The following CDH22 variants were observed in gnomAD, a reference collection of about 807,000 sequenced individuals.
CDH22 encodes cadherin 22, also known as cadherin-22.
Under a neutral mutation model 58.4 loss-of-function variants are expected in CDH22, and 30 were observed. The ratio of observed to expected loss-of-function variants is 0.51; its 90% confidence interval spans 0.38 to 0.70. The LOEUF (loss-of-function observed/expected upper bound fraction) is 0.70, where lower values mean the gene tolerates loss of function less well. Ranked by LOEUF, CDH22 falls within the 30% of genes least tolerant of loss-of-function variation. The pLI is 0.00. For synonymous variants in CDH22, 513 were observed against 558.2 expected (o/e 0.92, Z 1.14); for missense variants, 1,014 against 1,233.9 (o/e 0.82, Z 2.67).
At chr20:46,185,006 A>G (rs2085814312) in intron 10 of CDH22, among the ~76,000 whole-genome samples, 1 of 152,076 alleles carries the variant, frequency 6.6e-6, no homozygotes, top group African/African-American at 2.4e-5. Context: ...GAATCTCTTG[A>G]CCCTGGGAGG....
intron 3 of CDH22, among the ~76,000 whole-genome samples, chr20:46,235,715 C>T (rs1342936815): frequency 6.6e-6 from 1 of 152,192 alleles, no homozygotes; most frequent in African/African-American, 2.4e-5. Context: ...TTGGCTCTAC[C>T]TTCAATGCAC....
intron 4 of CDH22, 84 bp downstream of exon 4, chr20:46,227,424 A>G (rs932395751): frequency 3.4e-5 from 44 of 1,299,298 alleles, no homozygotes; most frequent in Non-Finnish European, 4.4e-5. Context: ...GAAGGCTCAG[A>G]GCAGACGTCT....
chr20:46,284,231 TG>T (rs2145770570), intron 1 of CDH22, among the ~76,000 whole-genome samples: 1 of 151,768 alleles, frequency 6.6e-6, no homozygotes, highest in African/African-American at 2.4e-5. Context: ...CCAGAGTCCC[TG>T]GGCAGGACAA....
At chr20:46,224,043 G>A (rs1352353863) in intron 4 of CDH22, among the ~76,000 whole-genome samples, 6 of 151,996 alleles carry the variant, frequency 3.9e-5, no homozygotes, top group African/African-American at 1.5e-4. Context: ...AGTAGAGATC[G>A]GGTTTCACCA....
chr20:46,254,337 T>A (rs1176846486), intron 1 of CDH22, among the ~76,000 whole-genome samples: 1 of 151,978 alleles, frequency 6.6e-6, no homozygotes, highest in Non-Finnish European at 1.5e-5. Context: ...GGTGGATCAC[T>A]TTAGGTCAGG....
In CDH22 at chr20:46,217,249, G is replaced by T. The variant is rs116770322; in HGVS notation, c.671-256C>A. On this transcript the variant is annotated intron_variant, in intron 4 of 11. Transcript: ENST00000537909. ...ATACTCACACATGCTCACACACACG[G>T]TCACACAGATAGACTCACATACTTG... 4.0e-5 allele frequency among the ~76,000 whole-genome samples: 6 copies of T among 151,864 alleles called. No homozygotes were observed. The East Asian group carries it at 9.7e-4, about 24-fold the overall frequency.
At chr20:46,281,359 G>A (rs964616651) in intron 1 of CDH22, among the ~76,000 whole-genome samples, 4 of 152,228 alleles carry the variant, frequency 2.6e-5, no homozygotes, top group Non-Finnish European at 5.9e-5. Flanking sequence ...GGGAAGAGTA[G>A]AGTGGCTGGA....
At chr20:46,296,014 C>T (rs948903058) in intron 1 of CDH22, among the ~76,000 whole-genome samples, 19 of 152,304 alleles carry the variant, frequency 1.2e-4, no homozygotes, top group Admixed American at 3.9e-4. Flanking sequence ...CCTCCTGCCT[C>T]GGCCTCTCAA....
chr20:46,261,893 G>A (rs938535083), intron 1 of CDH22, among the ~76,000 whole-genome samples: 3 of 152,094 alleles, frequency 2.0e-5, no homozygotes, highest in African/African-American at 7.3e-5. Context: ...TAGGTATAAG[G>A]CACGATGGAG....
rs190676266 is a variant in CDH22 at position 46,187,858 on chromosome 20, C to A, written c.1424-911G>T. ...CCTGTGGTTTGGTACAATTTCTATC[C>A]CCATATTGCAAAGGAGAAACTAAAA... is the stretch of plus-strand genomic sequence containing the variant. On this transcript the variant is annotated intron_variant, in intron 8 of 11. Coordinates refer to ENST00000537909, the MANE Select transcript of CDH22 (RefSeq NM_021248.3). Among the ~76,000 whole-genome samples the A allele has an allele frequency of 6.8e-4, 103 of 152,206 alleles. 1 individual carries two copies. Among genetic ancestry groups the A allele is most frequent in the African/African-American group, 2.3e-3 (97 of 41,506 alleles).
intron 8 of CDH22, among the ~76,000 whole-genome samples, chr20:46,192,932 G>A (rs1354294710): frequency 6.6e-6 from 1 of 152,054 alleles, no homozygotes; most frequent in Non-Finnish European, 1.5e-5. Flanking sequence ...CCCAGTGGGA[G>A]CAGGAGGCTC....
At chr20:46,227,384 C>T in intron 4 of CDH22, 124 bp downstream of exon 4, 1 of 928,390 alleles carries the variant, frequency 1.1e-6, no homozygotes. Context: ...ACAAGGTGCC[C>T]CCTGTGCTGT....
At chr20:46,277,956 G>A (rs1408464449) in intron 1 of CDH22, among the ~76,000 whole-genome samples, 7 of 151,984 alleles carry the variant, frequency 4.6e-5, no homozygotes, top group Non-Finnish European at 1.0e-4. Context: ...GGTGTGCTCA[G>A]TGCTAATGAG....
chr20:46,247,144 A>G (rs2086335979), intron 2 of CDH22, among the ~76,000 whole-genome samples: 1 of 152,160 alleles, frequency 6.6e-6, no homozygotes, highest in Non-Finnish European at 1.5e-5. Context: ...TACACTCAAG[A>G]TGGTGGAACT....
intron 4 of CDH22, among the ~76,000 whole-genome samples, chr20:46,225,261 T>C (rs1317894989): frequency 6.6e-6 from 1 of 152,234 alleles, no homozygotes; most frequent in Non-Finnish European, 1.5e-5. Context: ...ATGATGTATG[T>C]GTGAGGTTAT....
chr20:46,250,971 TTTCTTGTATCTACCCGTGGGTGTC>T, intron 2 of CDH22, 45 bp downstream of exon 2: 2 of 932,530 alleles, frequency 2.1e-6, no homozygotes, highest in Non-Finnish European at 1.7e-6. Flanking sequence ...TGAACAAGGG[TTTCTTGTATCTACCCGTGGGTGTC>T]CCCAGGGTCC....
In CDH22 at chr20:46,308,289, C is replaced by A. The variant is rs1322412152; in HGVS notation, c.-434G>T. The A allele has an allele frequency of 1.9e-5, 3 of 161,792 alleles. No individual in the cohort carries two copies. The highest frequency in any genetic ancestry group is 2.7e-5 in the Non-Finnish European group (2 of 74,410). The allele number at this position is 161,792 out of a possible 1,614,324, so 10.0% of individuals were successfully genotyped here. A position where few individuals can be genotyped will look rare whatever the true frequency, so the allele number is the denominator to read the frequency against. On this transcript the variant is annotated 5_prime_UTR_variant, in exon 1 of 12. Transcript: ENST00000537909. This position sits in a 1 kb window ranked among gnomAD's most constrained non-coding sequence, Gnocchi z 4.3. Reference sequence around the variant, plus strand: ...CGGCCCGGGGCTCCCCCTAGTCCTGCCGCCTCGGGACGCTGCGTGGGGCGG... The same window carrying A: ...CGGCCCGGGGCTCCCCCTAGTCCTGACGCCTCGGGACGCTGCGTGGGGCGG...
intron 4 of CDH22, among the ~76,000 whole-genome samples, chr20:46,226,262 C>T (rs867306972): frequency 0.11 from 1,567 of 14,402 alleles, 61 homozygotes; most frequent in African/African-American, 0.3. Flanking sequence ...TCTTCTTCTT[C>T]TTCTTCTTCT....
Position 46,223,958 on chromosome 20 carries a change from A to G in CDH22, c.670+3550T>C, listed in dbSNP as rs144444537. Among the ~76,000 whole-genome samples, 176 of 151,734 alleles carry G rather than the reference A, an allele frequency of 1.2e-3. 3 individuals carry two copies. Among genetic ancestry groups the G allele is most frequent in the African/African-American group, 4.1e-3 (171 of 41,344 alleles). On this transcript the variant is annotated intron_variant, in intron 4 of 11. Transcript: ENST00000537909. ...AACCTCTGCCTCCTGGGTTCAGGCA[A>G]TTCTCCTGCCTCAACCTCCCGAGTA...
Sources: allele counts gnomAD v4.1 joint callset (sites outside exome capture counted in the v4.1 genomes callset), GRCh38; gene constraint gnomAD v4.1.1; non-coding constraint Gnocchi (gnomAD v3.1); transcripts MANE v1.5; gene names NCBI Gene and HGNC (gene_info 2026-07-23, HGNC 2026-07-21).